The following BLTP1 variants were observed in gnomAD, a reference collection of about 807,000 sequenced individuals.
BLTP1 encodes fragile site-associated protein.
chr4:122,261,839 T>G, the BLTP1 span: 2 of 985,348 alleles, frequency 2.0e-6, no homozygotes, highest in South Asian at 4.7e-5. Context: ...TTTTACTTCC[T>G]GTGTCAACAC....
the BLTP1 span, chr4:122,267,770 A>G: frequency 4.8e-6 from 1 of 209,492 alleles, no homozygotes; most frequent in Non-Finnish European, 8.3e-6. Flanking sequence ...AGGAAATAAT[A>G]TACCCACTAA....
At chr4:122,349,308 G>C in the BLTP1 span, 1 of 1,611,762 alleles carries the variant, frequency 6.2e-7, no homozygotes, top group Non-Finnish European at 8.5e-7. The surrounding 1 kb of genome is among the most constrained non-coding windows in gnomAD (Gnocchi z 4.5). Flanking sequence ...ATGCTTTGGA[G>C]ATGGTTGGTA....
chr4:122,272,320 C>T, the BLTP1 span: 1 of 1,613,054 alleles, frequency 6.2e-7, no homozygotes, highest in Non-Finnish European at 8.5e-7. Flanking sequence ...ACCGCACACA[C>T]CTAGAGGCAG....
At chr4:122,169,442 G>T in the BLTP1 span, 1 of 167,568 alleles carries the variant, frequency 6.0e-6, no homozygotes, top group South Asian at 2.0e-4. Flanking sequence ...TCTTAAAGTA[G>T]TATTAACTGT....
the BLTP1 span, chr4:122,242,881 T>G: frequency 1.5e-6 from 1 of 674,160 alleles, no homozygotes; most frequent in Non-Finnish European, 2.5e-6. Flanking sequence ...CTGTTAAATG[T>G]TTATATCAAA....
At chr4:122,234,699 T>C in the BLTP1 span, 1 of 1,428,374 alleles carries the variant, frequency 7.0e-7, no homozygotes, top group Non-Finnish European at 9.4e-7. Context: ...TTTAATTATC[T>C]ATCAAAAAGT....
chr4:122,352,057 G>A, the BLTP1 span, among the ~76,000 whole-genome samples: 3 of 152,152 alleles, frequency 2.0e-5, no homozygotes, highest in Admixed American at 1.3e-4. Flanking sequence ...GGGCTTAAGA[G>A]TCGGCATTTC....
chr4:122,301,451 T>C, the BLTP1 span: 1 of 1,020,848 alleles, frequency 9.8e-7, no homozygotes. Context: ...AATTAATATA[T>C]GCTTGTTATA....
the BLTP1 span, chr4:122,246,696 T>A: frequency 6.2e-7 from 1 of 1,612,220 alleles, no homozygotes; most frequent in African/African-American, 1.3e-5. Flanking sequence ...AACTTATGTT[T>A]GTTACAAGCC....
chr4:122,182,848 A>G, the BLTP1 span: 16 of 984,642 alleles, frequency 1.6e-5, no homozygotes, highest in Non-Finnish European at 1.9e-5. Flanking sequence ...TCCCTCTCCC[A>G]GCTTAACACA....
At chr4:122,355,569 G>GTA in the BLTP1 span, among the ~76,000 whole-genome samples, 2 of 146,884 alleles carry the variant, frequency 1.4e-5, no homozygotes, top group African/African-American at 2.5e-5. Context: ...TATATCATAT[G>GTA]TATATATATA....
At chr4:122,302,834 T>A in the BLTP1 span, among the ~76,000 whole-genome samples, 1 of 152,328 alleles carries the variant, frequency 6.6e-6, no homozygotes. Context: ...AGCTAAAGCC[T>A]AATCCAGAGC....
At chr4:122,184,171 A>C in the BLTP1 span, among the ~76,000 whole-genome samples, 1 of 152,216 alleles carries the variant, frequency 6.6e-6, no homozygotes, top group Admixed American at 6.5e-5. Context: ...AAATGAAATC[A>C]AAGGCAGAAA....
the BLTP1 span, chr4:122,347,667 C>T: frequency 3.1e-6 from 5 of 1,613,774 alleles, no homozygotes; most frequent in Non-Finnish European, 4.2e-6. Context: ...CTAATGTGTT[C>T]AATGAGCATA....
chr4:122,194,013 C>A, the BLTP1 span, among the ~76,000 whole-genome samples: 2 of 152,026 alleles, frequency 1.3e-5, no homozygotes, highest in Non-Finnish European at 2.9e-5. Context: ...CAGGCGCCCG[C>A]CACTACGCCC....
the BLTP1 span, chr4:122,353,192 T>C: frequency 1.2e-6 from 2 of 1,602,654 alleles, no homozygotes; most frequent in South Asian, 2.2e-5. This position sits in a 1 kb window ranked among gnomAD's most constrained non-coding sequence, Gnocchi z 4.3. Flanking sequence ...CTTTCTCCTA[T>C]CTTCTGTTAT....
At chr4:122,226,548 GAA>G in the BLTP1 span, 1 of 1,458,692 alleles carries the variant, frequency 6.9e-7, no homozygotes, top group Non-Finnish European at 9.0e-7. Flanking sequence ...ATTAAAGGTA[GAA>G]AAAAATCATT....
At chr4:122,277,083 T>C in the BLTP1 span, 3 of 984,808 alleles carry the variant, frequency 3.0e-6, no homozygotes, top group African/African-American at 1.7e-5. Context: ...ATCACATTTA[T>C]ATTAGAAGTT....
At chr4:122,202,832 T>G in the BLTP1 span, among the ~76,000 whole-genome samples, 29 of 152,136 alleles carry the variant, frequency 1.9e-4, no homozygotes, top group Admixed American at 3.9e-4. Context: ...TTCCTTAAAT[T>G]ATTTTCTTTC....
Sources: allele counts gnomAD v4.1 joint callset (sites outside exome capture counted in the v4.1 genomes callset), GRCh38; gene constraint gnomAD v4.1.1; non-coding constraint Gnocchi (gnomAD v3.1); transcripts MANE v1.5; gene names NCBI Gene and HGNC (gene_info 2026-07-23, HGNC 2026-07-21).